The following NTRK3 variants were observed in gnomAD, a reference collection of about 807,000 sequenced individuals.
NTRK3 encodes neurotrophic receptor tyrosine kinase 3.
In NTRK3, 24 loss-of-function variants were observed where a neutral mutation model predicts 91.7. That is an observed-to-expected ratio of 0.26 (90% CI 0.19 to 0.37). NTRK3 has a LOEUF of 0.37. Ranked by LOEUF, NTRK3 falls within the 10% of genes least tolerant of loss-of-function variation. The pLI is 1.00. For missense variants in NTRK3, 880 were observed against 1,068.9 expected (o/e 0.82, Z 2.46); for synonymous variants, 483 against 404.0 (o/e 1.20, Z -2.34).
chr15:87,990,170 C>A (rs2075176706), intron 14 of NTRK3, among the ~76,000 whole-genome samples: 1 of 152,134 alleles, frequency 6.6e-6, no homozygotes, highest in Admixed American at 6.5e-5. Context: ...TTCATGGTCT[C>A]AAAGCTACAA....
chr15:87,952,084 G>A (rs775708588), intron 14 of NTRK3, among the ~76,000 whole-genome samples: 23 of 151,748 alleles, frequency 1.5e-4, no homozygotes, highest in South Asian at 4.2e-4. Flanking sequence ...CCGAGATGGC[G>A]CCACCGCACT....
chr15:88,009,887 A>G (rs2076750730), intron 14 of NTRK3, among the ~76,000 whole-genome samples: 1 of 152,212 alleles, frequency 6.6e-6, no homozygotes, highest in Admixed American at 6.5e-5. Flanking sequence ...AGCACACTAC[A>G]GACTGCTTTT....
Position 88,053,013 on chromosome 15 carries a change from C to T in NTRK3, c.1397-19968G>A, listed in dbSNP as rs11633008. ...AAAACTGGGAAAATGAGCCTCCCCTCAACAGTGTCCATTTATCAGATTCTC... is the reference window on the plus strand; with the variant it reads ...AAAACTGGGAAAATGAGCCTCCCCTTAACAGTGTCCATTTATCAGATTCTC... On this transcript the variant is annotated intron_variant, in intron 13 of 18. Transcript: ENST00000394480. 5.4e-3 allele frequency among the ~76,000 whole-genome samples: 827 copies of T among 152,298 alleles called. 3 individuals carry two copies. The highest frequency in any genetic ancestry group is 9.3e-3 in the Non-Finnish European group (632 of 68,026).
rs376065285 is a variant in NTRK3 at position 88,197,347 on chromosome 15, G to A, written c.249-13048C>T. ...GACAGCCTCATGCCCAGAAGGATAG[G>A]AGGACCTCTTAGCAACCCTTTCAGC... On this transcript the variant is annotated intron_variant, in intron 3 of 18. Transcript: ENST00000394480. 1.1e-4 allele frequency among the ~76,000 whole-genome samples: 16 copies of A among 152,232 alleles called. No homozygotes were observed. In the South Asian group the frequency reaches 3.3e-3, roughly 32 times the overall value.
intron 17 of NTRK3, among the ~76,000 whole-genome samples, chr15:87,909,388 C>T (rs768967736): frequency 3.9e-5 from 6 of 152,126 alleles, no homozygotes; most frequent in Admixed American, 6.5e-5. Flanking sequence ...TCTCTGCTCT[C>T]AATTGAGTCA....
At chr15:88,032,576 C>T (rs1346280000) in intron 14 of NTRK3, among the ~76,000 whole-genome samples, 1 of 152,068 alleles carries the variant, frequency 6.6e-6, no homozygotes, top group African/African-American at 2.4e-5. Flanking sequence ...CTCTGTGTCT[C>T]CTGCCTTATT....
At chr15:87,902,473 T>C (rs1446304548) in intron 17 of NTRK3, among the ~76,000 whole-genome samples, 2 of 152,182 alleles carry the variant, frequency 1.3e-5, no homozygotes, top group African/African-American at 4.8e-5. Context: ...CATCTCTTTC[T>C]CTAAGATCAT....
At chr15:87,924,556 T>C (rs2068132531) in intron 17 of NTRK3, among the ~76,000 whole-genome samples, 1 of 152,202 alleles carries the variant, frequency 6.6e-6, no homozygotes, top group Admixed American at 6.5e-5. Context: ...GGGTCATCCT[T>C]GACTCAGACT....
chr15:87,924,625 A>G (rs752489797), intron 17 of NTRK3, among the ~76,000 whole-genome samples: 4 of 152,180 alleles, frequency 2.6e-5, no homozygotes, highest in Non-Finnish European at 4.4e-5. Flanking sequence ...TGATTAGATA[A>G]GACTTGCTCC....
intron 14 of NTRK3, among the ~76,000 whole-genome samples, chr15:87,985,372 A>T (rs2141417842): frequency 6.6e-6 from 1 of 152,322 alleles, no homozygotes; most frequent in East Asian, 1.9e-4. Context: ...ATATAGCTGT[A>T]CATTTCATGG....
chr15:88,069,606 T>C (rs1032458628), intron 13 of NTRK3, among the ~76,000 whole-genome samples: 2 of 152,116 alleles, frequency 1.3e-5, no homozygotes, highest in Non-Finnish European at 2.9e-5. Flanking sequence ...AGCAGAACAC[T>C]ATCACTCAGG....
intron 14 of NTRK3, among the ~76,000 whole-genome samples, chr15:87,954,694 G>A (rs747004616): frequency 1.3e-5 from 2 of 152,212 alleles, no homozygotes; most frequent in Non-Finnish European, 2.9e-5. Context: ...TTTGGGAAAT[G>A]GAATTTGCTG....
exon 19 of NTRK3, chr15:87,871,649 G>A (rs2064830359): frequency 8.7e-6 from 2 of 229,296 alleles, no homozygotes; most frequent in African/African-American, 4.4e-5. Flanking sequence ...CAAGATGACA[G>A]ATTTCCCATC....
intron 14 of NTRK3, among the ~76,000 whole-genome samples, chr15:88,020,744 T>C (rs2077538176): frequency 6.6e-6 from 1 of 152,206 alleles, no homozygotes. Context: ...AGTGGTAGGC[T>C]GGGACCTGGG....
chr15:88,202,999 G>A (rs1281171813), intron 3 of NTRK3, among the ~76,000 whole-genome samples: 1 of 152,110 alleles, frequency 6.6e-6, no homozygotes. Context: ...ACTTTTTGAT[G>A]CTAGCTGGCT....
chr15:88,135,258 A>G (rs747511296), exon 10 of NTRK3: 2 of 1,614,188 alleles, frequency 1.2e-6, no homozygotes, highest in Non-Finnish European at 1.7e-6. Flanking sequence ...AGTATTCCAC[A>G]TGGATGATCT....
At chr15:87,876,154 T>A (rs975023871) in exon 19 of NTRK3, 1 of 233,098 alleles carries the variant, frequency 4.3e-6, no homozygotes, top group African/African-American at 2.2e-5. Flanking sequence ...GACACATCCT[T>A]TGCAACTCCA....
chr15:88,029,010 C>T (rs1312670907), intron 14 of NTRK3, among the ~76,000 whole-genome samples: 2 of 152,172 alleles, frequency 1.3e-5, no homozygotes, highest in Admixed American at 1.3e-4. Flanking sequence ...TTAGCTTCTC[C>T]CAAGTGACCC....
intron 3 of NTRK3, among the ~76,000 whole-genome samples, chr15:88,219,285 C>T (rs995609852): frequency 4.6e-5 from 7 of 152,234 alleles, no homozygotes; most frequent in African/African-American, 1.7e-4. Context: ...TAATCCTCTC[C>T]AGCCAGCTGT....
Sources: gnomAD v4.1 joint callset for allele counts (sites outside exome capture counted in the v4.1 genomes callset) on GRCh38, gnomAD v4.1.1 for gene constraint, MANE v1.5 for transcripts, NCBI Gene and HGNC (gene_info 2026-07-23, HGNC 2026-07-21) for gene names.